Variants in NRXN3 observed in about 807,000 individuals in gnomAD.
NRXN3 encodes the protein neurexin III.
A neutral mutation model predicts 137.6 loss-of-function variants in NRXN3; 32 were observed. The observed-to-expected ratio is 0.23, with a 90% confidence interval of 0.18 to 0.31. The LOEUF is 0.31. Ranked by LOEUF, NRXN3 falls within the 10% of genes least tolerant of loss-of-function variation. NRXN3 has a pLI of 1.00. For missense variants in NRXN3, 1,574 were observed against 2,062.5 expected, an observed-to-expected ratio of 0.76 and a Z score of 4.59; for synonymous variants, 798 against 784.5, an observed-to-expected ratio of 1.02 and a Z score of -0.29.
At chr14:79,672,980 T>C (rs930506697) in intron 17 of NRXN3, among the ~76,000 whole-genome samples, 4 of 152,096 alleles carry the variant, frequency 2.6e-5, no homozygotes, top group African/African-American at 9.7e-5. Flanking sequence ...ACATACAGTA[T>C]GTCATTTATA....
intron 4 of NRXN3, among the ~76,000 whole-genome samples, chr14:78,552,327 A>G (rs1301992298): frequency 6.6e-6 from 1 of 152,202 alleles, no homozygotes; most frequent in African/African-American, 2.4e-5. Context: ...AATCCTGGTT[A>G]TCTCTCTCAA....
chr14:79,384,922 G>T (rs955584592), intron 15 of NRXN3, among the ~76,000 whole-genome samples: 2 of 152,076 alleles, frequency 1.3e-5, no homozygotes, highest in Non-Finnish European at 2.9e-5. Flanking sequence ...ATAATTCTTA[G>T]CTTTTGCTAT....
chr14:78,207,912 A>G (rs1398507739), intron 1 of NRXN3, among the ~76,000 whole-genome samples: 1 of 152,172 alleles, frequency 6.6e-6, no homozygotes, highest in Non-Finnish European at 1.5e-5. Flanking sequence ...AGGAAATAAA[A>G]CTAAGCACAG....
At chr14:79,384,574 T>C (rs377522966) in intron 15 of NRXN3, among the ~76,000 whole-genome samples, 46 of 152,306 alleles carry the variant, frequency 3.0e-4, no homozygotes, top group African/African-American at 1.1e-3. Context: ...TCACAGATTA[T>C]GTTAACCCAA....
At chr14:79,381,038 G>C (rs1443893810) in intron 15 of NRXN3, among the ~76,000 whole-genome samples, 3 of 152,036 alleles carry the variant, frequency 2.0e-5, no homozygotes, top group Non-Finnish European at 4.4e-5. Context: ...ACATGTGCCT[G>C]GATGGTGCTG....
chr14:78,783,329 G>A (rs1291335201), intron 8 of NRXN3, among the ~76,000 whole-genome samples: 2 of 152,098 alleles, frequency 1.3e-5, no homozygotes, highest in African/African-American at 4.8e-5. Context: ...AAACCAAAAT[G>A]AGGATCTTTG....
intron 19 of NRXN3, among the ~76,000 whole-genome samples, chr14:79,707,046 T>C (rs947151713): frequency 3.3e-5 from 5 of 152,192 alleles, no homozygotes; most frequent in Admixed American, 6.5e-5. Flanking sequence ...GCTGAGTATA[T>C]TGTGTGAGCA....
intron 15 of NRXN3, among the ~76,000 whole-genome samples, chr14:79,163,031 T>A (rs2060946617): frequency 6.6e-6 from 1 of 152,114 alleles, no homozygotes; most frequent in Non-Finnish European, 1.5e-5. Context: ...GAATTAACTC[T>A]TGAGTCAGCA....
At chr14:79,412,633 A>T (rs904382502) in intron 15 of NRXN3, among the ~76,000 whole-genome samples, 4 of 151,594 alleles carry the variant, frequency 2.6e-5, no homozygotes, top group African/African-American at 9.7e-5. Flanking sequence ...AATACAAAAA[A>T]GTAGCCAGGG....
intron 10 of NRXN3, among the ~76,000 whole-genome samples, chr14:78,872,088 A>G (rs909889408): frequency 1.3e-5 from 2 of 151,870 alleles, no homozygotes; most frequent in Non-Finnish European, 2.9e-5. Flanking sequence ...TTACTTCCAT[A>G]TTTCCAAACA....
At chr14:79,000,524 G>A (rs574034651) in intron 15 of NRXN3, among the ~76,000 whole-genome samples, 1 of 152,218 alleles carries the variant, frequency 6.6e-6, no homozygotes, top group African/African-American at 2.4e-5. Flanking sequence ...CGATATTTGG[G>A]GTATGATTTT....
intron 4 of NRXN3, among the ~76,000 whole-genome samples, chr14:78,608,920 T>G (rs1240177173): frequency 1.3e-5 from 2 of 151,584 alleles, no homozygotes; most frequent in African/African-American, 4.9e-5. Context: ...ATTGGTAAGG[T>G]GGGGGTGGAG....
intron 15 of NRXN3, among the ~76,000 whole-genome samples, chr14:79,163,046 A>C (rs1393470066): frequency 6.6e-6 from 1 of 151,718 alleles, no homozygotes. Flanking sequence ...TCAGCATTTA[A>C]ATTTGGTAAT....
chr14:78,746,859 T>C (rs1427908324), intron 8 of NRXN3, among the ~76,000 whole-genome samples: 1 of 152,192 alleles, frequency 6.6e-6, no homozygotes, highest in South Asian at 2.1e-4. Flanking sequence ...AAGTAAAGTG[T>C]TGACACAATT....
intron 10 of NRXN3, among the ~76,000 whole-genome samples, chr14:78,910,246 T>G (rs1375452039): frequency 6.6e-6 from 1 of 152,050 alleles, no homozygotes; most frequent in African/African-American, 2.4e-5. Context: ...CTGCTTGGAT[T>G]TATACTCTGC....
chr14:78,653,695 C>T (rs2097763883), intron 6 of NRXN3, among the ~76,000 whole-genome samples: 1 of 108,956 alleles, frequency 9.2e-6, no homozygotes, highest in African/African-American at 3.9e-5. Flanking sequence ...CATGTGGAAA[C>T]AAAAGAAAAT....
intron 15 of NRXN3, among the ~76,000 whole-genome samples, chr14:79,299,661 G>A (rs2084807110): frequency 2.0e-5 from 3 of 151,998 alleles, no homozygotes; most frequent in Non-Finnish European, 2.9e-5. Context: ...AAAGAATCAG[G>A]CATATTAATG....
chr14:78,228,041 A>C (rs549316599), intron 1 of NRXN3, among the ~76,000 whole-genome samples: 2 of 152,094 alleles, frequency 1.3e-5, no homozygotes, highest in Non-Finnish European at 2.9e-5. Context: ...GGGCTCAGTG[A>C]TGTTAAATTG....
chr14:78,789,885 A>G (rs969274970), intron 8 of NRXN3, among the ~76,000 whole-genome samples: 2 of 151,906 alleles, frequency 1.3e-5, no homozygotes, highest in African/African-American at 2.4e-5. Flanking sequence ...GAATTCTCAC[A>G]TTTTCTTTAT....
Sources: allele counts gnomAD v4.1 joint callset (sites outside exome capture counted in the v4.1 genomes callset), GRCh38; gene constraint gnomAD v4.1.1; transcripts MANE v1.5; gene names NCBI Gene and HGNC (gene_info 2026-07-23, HGNC 2026-07-21).